FRAT2: variants seen among roughly 807,000 people sequenced by gnomAD.
The protein encoded by FRAT2 is GSK-3-binding protein FRAT2.
For synonymous variants in FRAT2, 205 were observed against 171.5 expected, an observed-to-expected ratio of 1.20 and a Z score of -1.53; for missense variants, 326 against 340.8, an observed-to-expected ratio of 0.96 and a Z score of 0.34.
Position 97,334,558 on chromosome 10 carries a change from C to T in FRAT2, c.15G>A (p.Arg5=). 3 of 1,465,910 alleles carry T rather than the reference C, an allele frequency of 2.0e-6. No homozygotes were observed. The highest frequency in any genetic ancestry group is 2.7e-6 in the Non-Finnish European group (3 of 1,109,498). 90.8% of individuals were successfully genotyped at this position (1,465,910 alleles called of 1,614,324 possible). ...CCTCGCCGGCTTCCTCTTCCTCCTC[C>T]CTCCGGCACGGCATGGCCCCCCGTC... MPCR[R]EEEEEAGEEA... is the part of the protein sequence containing the mutation. The change falls in exon 1 of 1, where the codon AGG becomes AGA. Residue 5 remains arginine (R), a synonymous_variant. Coordinates refer to ENST00000371019, the MANE Select transcript of FRAT2 (RefSeq NM_012083.3).
In FRAT2 at chr10:97,334,423, C is replaced by A. The variant is rs1483539229; in HGVS notation, c.150G>T (p.Thr50=). 1 of 1,462,234 alleles carries A rather than the reference C, an allele frequency of 6.8e-7. No individual in the cohort carries two copies. The highest frequency in any genetic ancestry group is 9.0e-7 in the Non-Finnish European group (1 of 1,109,108). 90.6% of individuals were successfully genotyped at this position (1,462,234 alleles called of 1,614,324 possible). A position where few individuals can be genotyped will look rare whatever the true frequency, so the allele number is the denominator to read the frequency against. Residue 50 remains threonine, a synonymous_variant, in exon 1 of 1, where the codon ACG becomes ACT. Transcript: ENST00000371019. ...TGTCCTGCGCCGCGTCCAGCTGCAG[C>A]GTCTCGCCGATCTGGGCCACCAGCC... ...VDRLVAQIGE[T]LQLDAAQDSP...
chr10:97,333,990 T>C lies in FRAT2; in HGVS notation c.583A>G (p.Arg195Gly). Residue 195 changes from arginine to glycine, a missense_variant, in exon 1 of 1, where the codon AGA becomes GGA. Transcript: ENST00000371019. The stretch of plus-strand genomic sequence containing the variant: ...ACCGCGGCGACGGCTCGTTGGAGTC[T>C]CCGCACGGCTTCCTTGATGAGGTTT... ...SGNLIKEAVR[R>G]LQRAVAAVAA... 6.3e-7 allele frequency: 1 copy of C among 1,589,778 alleles called. No homozygotes were observed. The highest frequency in any genetic ancestry group is 8.5e-7 in the Non-Finnish European group (1 of 1,175,916).
At position 97,334,493 on chromosome 10, in the gene FRAT2, A is replaced by C; in HGVS notation, c.80T>G (p.Leu27Arg). Residue 27 changes from leucine to arginine, a missense_variant, in exon 1 of 1, where the codon CTG becomes CGG. Leu to Arg is a moderately radical substitution (Grantham distance 102). Coordinates refer to ENST00000371019, the MANE Select transcript of FRAT2 (RefSeq NM_012083.3). ...GCCCAGCGTCACCGACTGCTGCAGC[A>C]GGAGGAAGCTGTCGTCCTCCTCTTC... The part of the protein sequence containing the change: ...GEEEEDDSFL[L>R]LQQSVTLGSS... 3 of 1,493,684 alleles carry C rather than the reference A, an allele frequency of 2.0e-6. No homozygotes were observed. The highest frequency in any genetic ancestry group is 1.4e-5 in the African/African-American group (1 of 69,164). The allele number at this position is 1,493,684 out of a possible 1,614,324, so 92.5% of individuals were successfully genotyped here. A position where few individuals can be genotyped will look rare whatever the true frequency, so the allele number is the denominator to read the frequency against.
Position 97,333,874 on chromosome 10 carries a change from G to A in FRAT2, c.699C>T (p.Leu233=). Residue 233 remains leucine (L), a synonymous_variant, in exon 1 of 1, where the codon CTC becomes CTT. Transcript: ENST00000371019. The part of the protein sequence containing the change: ...RIALQPSGSL[L] The stretch of plus-strand genomic sequence containing the variant: ...TTCCTCCTCCAGGAGGCCTGCGTCA[G>A]AGCAAGGAGCCTGAGGGCTGCAGGG... 1 of 1,520,994 alleles carries A rather than the reference G, an allele frequency of 6.6e-7. No homozygotes were observed. Among genetic ancestry groups the A allele is most frequent in the Non-Finnish European group, 8.8e-7 (1 of 1,138,434 alleles). 94.2% of individuals were successfully genotyped at this position (1,520,994 alleles called of 1,614,324 possible). A position where few individuals can be genotyped will look rare whatever the true frequency, so the allele number is the denominator to read the frequency against.
chr10:97,332,723 C>T lies in FRAT2; in HGVS notation c.*1148G>A, dbSNP rs1252344681. 3 of 152,120 alleles carry T rather than the reference C, an allele frequency of 2.0e-5. No homozygotes were observed. Among genetic ancestry groups the T allele is most frequent in the Non-Finnish European group, 4.4e-5 (3 of 68,032 alleles). The allele number at this position is 152,120 out of a possible 1,614,324, so 9.4% of individuals were successfully genotyped here. On this transcript the variant is annotated 3_prime_UTR_variant, in exon 1 of 1. Transcript: ENST00000371019. ...TTTCATACAGCCAGCGGCTTCTTCT[C>T]TGGGAGAGTCACATTTTAAAACCGG...
chr10:97,334,292 A>G lies in FRAT2; in HGVS notation c.281T>C (p.Leu94Pro). 8.7e-7 allele frequency: 1 copy of G among 1,152,290 alleles called. No homozygotes were observed. Among genetic ancestry groups the G allele is most frequent in the Non-Finnish European group, 1.1e-6 (1 of 938,786 alleles). 71.4% of individuals were successfully genotyped at this position (1,152,290 alleles called of 1,614,324 possible). A position where few individuals can be genotyped will look rare whatever the true frequency, so the allele number is the denominator to read the frequency against. ...DKARPPAVPL[L>P]LPPASAETVG... is the part of the protein sequence containing the mutation. ...CGTCTCAGCCGAAGCGGGCGGCAGC[A>G]GCAGCGGCACCGCCGGGGGCCGGGC... Residue 94 changes from leucine (L) to proline (P), a missense_variant, in exon 1 of 1, where the codon CTG (leucine) becomes CCG (proline). Physicochemically the swap from Leu to Pro is moderately conservative, Grantham distance 98. Transcript: ENST00000371019.
At position 97,334,614 on chromosome 10, in the gene FRAT2, G is replaced by T; in HGVS notation, c.-42C>A. The T allele has an allele frequency of 7.5e-7, 1 of 1,325,404 alleles. No homozygotes were observed. Among genetic ancestry groups the T allele is most frequent in the South Asian group, 1.8e-5 (1 of 54,730 alleles). 82.1% of individuals were successfully genotyped at this position (1,325,404 alleles called of 1,614,324 possible). On this transcript the variant is annotated 5_prime_UTR_variant, in exon 1 of 1. Transcript: ENST00000371019. The stretch of plus-strand genomic sequence containing the variant: ...ACCCGGAGCTGTGCGGGCTTCGCTG[G>T]GGGCTTGGTTGCCCGCGGGCGCGGA...
chr10:97,333,804 G>A lies in FRAT2; in HGVS notation c.*67C>T. On this transcript the variant is annotated 3_prime_UTR_variant, in exon 1 of 1. Transcript: ENST00000371019. ...CTGGCGACGTCGGCTTCAGCTCAGA[G>A]TTAGTAGGAACTGGACGCTGTTGGG... 3 of 1,392,722 alleles carry A rather than the reference G, an allele frequency of 2.2e-6. No individual in the cohort carries two copies. In the South Asian group the frequency reaches 4.7e-5, roughly 22 times the overall value. The allele number at this position is 1,392,722 out of a possible 1,614,324, so 86.3% of individuals were successfully genotyped here. A position where few individuals can be genotyped will look rare whatever the true frequency, so the allele number is the denominator to read the frequency against.
Position 97,333,868 on chromosome 10 carries a change from G to T in FRAT2, c.*3C>A. The stretch of plus-strand genomic sequence containing the variant: ...CTCCACTTCCTCCTCCAGGAGGCCT[G>T]CGTCAGAGCAAGGAGCCTGAGGGCT... On this transcript the variant is annotated 3_prime_UTR_variant, in exon 1 of 1. Transcript: ENST00000371019. 2 of 1,506,140 alleles carry T rather than the reference G, an allele frequency of 1.3e-6. No homozygotes were observed. The highest frequency in any genetic ancestry group is 2.5e-5 in the South Asian group (2 of 79,836). The allele number at this position is 1,506,140 out of a possible 1,614,324, so 93.3% of individuals were successfully genotyped here.
At position 97,334,552 on chromosome 10, in the gene FRAT2, C is replaced by T. The variant is rs1304140271; in HGVS notation, c.21G>A (p.Glu7=). ...CCGCCTCCTCGCCGGCTTCCTCTTC[C>T]TCCTCCCTCCGGCACGGCATGGCCC... MPCRRE[E]EEEAGEEAEG... The change falls in exon 1 of 1, where the codon GAG becomes GAA. Residue 7 remains glutamate, a synonymous_variant. Transcript: ENST00000371019. 7 of 1,473,892 alleles carry T rather than the reference C, an allele frequency of 4.7e-6. No individual in the cohort carries two copies. Among genetic ancestry groups the T allele is most frequent in the East Asian group, 3.0e-5 (1 of 33,822 alleles). 91.3% of individuals were successfully genotyped at this position (1,473,892 alleles called of 1,614,324 possible). A position where few individuals can be genotyped will look rare whatever the true frequency, so the allele number is the denominator to read the frequency against.
rs2134973343 is a variant in FRAT2 at position 97,334,301 on chromosome 10, A to C, written c.272T>G (p.Val91Gly). ...VPADKARPPAVPLLLPPASAE... is the reference protein window; with the variant it reads ...VPADKARPPAGPLLLPPASAE... Reference sequence around the variant, plus strand: ...CGAAGCGGGCGGCAGCAGCAGCGGCACCGCCGGGGGCCGGGCCTTGTCCGC... The same window carrying C: ...CGAAGCGGGCGGCAGCAGCAGCGGCCCCGCCGGGGGCCGGGCCTTGTCCGC... The change falls in exon 1 of 1, where the codon GTG becomes GGG. Residue 91 changes from valine (V) to glycine (G), a missense_variant. Val to Gly is a moderately radical substitution (Grantham distance 109). Transcript: ENST00000371019. The C allele has an allele frequency of 8.8e-7, 1 of 1,137,304 alleles. No individual in the cohort carries two copies. The highest frequency in any genetic ancestry group is 1.6e-5 in the African/African-American group (1 of 60,736). 70.5% of individuals were successfully genotyped at this position (1,137,304 alleles called of 1,614,324 possible). A position where few individuals can be genotyped will look rare whatever the true frequency, so the allele number is the denominator to read the frequency against.
rs557114721 is a variant in FRAT2, at chr10:97,333,313, C to G, written c.*558G>C. 1 of 152,260 alleles carries G rather than the reference C, an allele frequency of 6.6e-6. No homozygotes were observed. The highest frequency in any genetic ancestry group is 6.5e-5 in the Admixed American group (1 of 15,272). 9.4% of individuals were successfully genotyped at this position (152,260 alleles called of 1,614,324 possible). A position where few individuals can be genotyped will look rare whatever the true frequency, so the allele number is the denominator to read the frequency against. ...TTGGAGTTCACATCTCCCACCTTCA[C>G]CAGCCACCGAATCGGTGGGAAAAAG... On this transcript the variant is annotated 3_prime_UTR_variant, in exon 1 of 1. Coordinates refer to ENST00000371019, the MANE Select transcript of FRAT2 (RefSeq NM_012083.3).
In FRAT2 at chr10:97,333,715, G is replaced by C; in HGVS notation, c.*156C>G. 1 of 751,056 alleles carries C rather than the reference G, an allele frequency of 1.3e-6. No homozygotes were observed. Among genetic ancestry groups the C allele is most frequent in the Non-Finnish European group, 1.9e-6 (1 of 524,922 alleles). The allele number at this position is 751,056 out of a possible 1,614,324, so 46.5% of individuals were successfully genotyped here. A position where few individuals can be genotyped will look rare whatever the true frequency, so the allele number is the denominator to read the frequency against. ...TTCTCCGACGGCCTCGCCGCGGCTGGTAACTTCTCTGGTTGAGATCTCTCC... is the reference window on the plus strand; with the variant it reads ...TTCTCCGACGGCCTCGCCGCGGCTGCTAACTTCTCTGGTTGAGATCTCTCC... On this transcript the variant is annotated 3_prime_UTR_variant, in exon 1 of 1. Coordinates refer to ENST00000371019, the MANE Select transcript of FRAT2 (RefSeq NM_012083.3).
chr10:97,333,754 C>T lies in FRAT2; in HGVS notation c.*117G>A. On this transcript the variant is annotated 3_prime_UTR_variant, in exon 1 of 1. Transcript: ENST00000371019. ...TGAGATCTCTCCCCACGCGCCTCCC[C>T]GCAGCCAAAGTGGTCGCTCCCAGGC... The T allele has an allele frequency of 4.2e-6, 5 of 1,188,104 alleles. No individual in the cohort carries two copies. The highest frequency in any genetic ancestry group is 5.5e-6 in the Non-Finnish European group (5 of 906,892). The allele number at this position is 1,188,104 out of a possible 1,614,324, so 73.6% of individuals were successfully genotyped here.
rs1322264004 is a variant in FRAT2 at position 97,333,669 on chromosome 10, A to G, written c.*202T>C. 1 of 512,504 alleles carries G rather than the reference A, an allele frequency of 2.0e-6. No homozygotes were observed. The highest frequency in any genetic ancestry group is 3.8e-5 in the Admixed American group (1 of 26,552). 31.7% of individuals were successfully genotyped at this position (512,504 alleles called of 1,614,324 possible). On this transcript the variant is annotated 3_prime_UTR_variant, in exon 1 of 1. Coordinates refer to ENST00000371019, the MANE Select transcript of FRAT2 (RefSeq NM_012083.3). ...GCCCCACGGAAGCACCCTGGCGCAT[A>G]CATTTCTCCACGCTTAAGTTTTCTC...
Position 97,334,375 on chromosome 10 carries a change from G to A in FRAT2, c.198C>T (p.Pro66=). 8.1e-7 allele frequency: 1 copy of A among 1,241,632 alleles called. No individual in the cohort carries two copies. Among genetic ancestry groups the A allele is most frequent in the Non-Finnish European group, 1.0e-6 (1 of 992,612 alleles). 76.9% of individuals were successfully genotyped at this position (1,241,632 alleles called of 1,614,324 possible). The part of the protein sequence containing the change: ...AQDSPASPCA[P]PGVPLRAPGP... ...CCGGGGCCCGCAGCGGCACCCCCGG[G>A]GGCGCGCACGGCGAGGCCGGGCTGT... Residue 66 remains proline (P), a synonymous_variant, in exon 1 of 1, where the codon CCC becomes CCT. Coordinates refer to ENST00000371019, the MANE Select transcript of FRAT2 (RefSeq NM_012083.3).
rs1298837006 is a variant in FRAT2 at position 97,333,923 on chromosome 10, C to A, written c.650G>T (p.Gly217Val). ...GPASAPGPGG[G>V]RSGPDRIALQ... ...GGCAATGCGGTCAGGTCCGCTGCGG[C>A]CTCCCCCGGGCCCAGGGGCGCTTGC... The change falls in exon 1 of 1, where the codon GGC becomes GTC. Residue 217 changes from glycine to valine, a missense_variant. Physicochemically the swap from Gly to Val is moderately radical, Grantham distance 109. Coordinates refer to ENST00000371019, the MANE Select transcript of FRAT2 (RefSeq NM_012083.3). The A allele has an allele frequency of 1.3e-6, 2 of 1,571,642 alleles. No individual in the cohort carries two copies. Among genetic ancestry groups the A allele is most frequent in the Middle Eastern group, 1.7e-4 (1 of 5,738 alleles).
Position 97,332,983 on chromosome 10 carries a change from ATGGCCATGAG to A in FRAT2, c.*878_*887del, listed in dbSNP as rs1462087448. The stretch of plus-strand genomic sequence containing the variant: ...GACTGTTTCTGAGAAAGCTCCTGGC[ATGGCCATGAG>A]TGGCCTTCCGGGAGTCCTGTAAAAA... On this transcript the variant is annotated 3_prime_UTR_variant, in exon 1 of 1. Transcript: ENST00000371019. The A allele has an allele frequency of 3.3e-5, 5 of 152,302 alleles. No individual in the cohort carries two copies. Among genetic ancestry groups the A allele is most frequent in the South Asian group, 2.1e-4 (1 of 4,838 alleles). 9.4% of individuals were successfully genotyped at this position (152,302 alleles called of 1,614,324 possible).
At position 97,334,117 on chromosome 10, in the gene FRAT2, C is replaced by A; in HGVS notation, c.456G>T (p.Ala152=). Residue 152 remains alanine (A), a synonymous_variant, in exon 1 of 1, where the codon GCG becomes GCT. Coordinates refer to ENST00000371019, the MANE Select transcript of FRAT2 (RefSeq NM_012083.3). The stretch of plus-strand genomic sequence containing the variant: ...GCTGCTGCAAGCGGCGGGAGGTGAC[C>A]GCGTCCCTGAGCCATCCTCGCCGGC... ...GPCRRGWLRD[A]VTSRRLQQRR... 2 of 1,570,032 alleles carry A rather than the reference C, an allele frequency of 1.3e-6. No homozygotes were observed. Among genetic ancestry groups the A allele is most frequent in the Non-Finnish European group, 1.7e-6 (2 of 1,167,676 alleles).
Sources: gnomAD v4.1 joint callset for allele counts on GRCh38, gnomAD v4.1.1 for gene constraint, MANE v1.5 for transcripts, NCBI Gene and HGNC (gene_info 2026-07-23, HGNC 2026-07-21) for gene names.